CNTN4: variants seen among roughly 807,000 people sequenced by gnomAD.
CNTN4 encodes the protein contactin 4, also known as contactin-4.
CNTN4 carries 77 observed loss-of-function variants against 122.5 expected under a neutral mutation model. The observed-to-expected ratio is 0.63, with a 90% CI of 0.52 to 0.76. CNTN4 has a LOEUF of 0.76. Ranked by LOEUF, CNTN4 falls within the 30% of genes least tolerant of loss-of-function variation. The pLI is 0.00. For synonymous variants in CNTN4, 512 were observed against 447.0 expected (o/e 1.15, Z -1.83); for missense variants, 1,256 against 1,259.1 (o/e 1.00, Z 0.04).
rs536957347 is a variant in CNTN4, at chr3:2,338,243, A to G, written c.-144-935A>G. Among the ~76,000 whole-genome samples, 5 of 152,162 alleles carry G rather than the reference A, an allele frequency of 3.3e-5. No individual in the cohort carries two copies. The East Asian group carries it at 9.6e-4, about 29-fold the overall frequency. On this transcript the variant is annotated intron_variant, in intron 2 of 24. Coordinates refer to ENST00000418658, the MANE Select transcript of CNTN4 (RefSeq NM_175607.3). ...TTGTTATCGATATTATCCTGAGAGT[A>G]AAGGTAGTTAGGTATTTAATATAGA...
chr3:2,534,655 T>G (rs192823761), intron 3 of CNTN4, among the ~76,000 whole-genome samples: 1 of 151,786 alleles, frequency 6.6e-6, no homozygotes, highest in Non-Finnish European at 1.5e-5. Flanking sequence ...GGGCTGTGAC[T>G]TCAGAGCCTT....
intron 3 of CNTN4, among the ~76,000 whole-genome samples, chr3:2,479,050 G>A (rs1051961509): frequency 6.6e-6 from 1 of 152,012 alleles, no homozygotes; most frequent in African/African-American, 2.4e-5. Context: ...TTTCCCAGCA[G>A]GACTTTCATC....
chr3:2,784,299 T>G (rs1319005741), intron 6 of CNTN4, among the ~76,000 whole-genome samples: 2 of 152,198 alleles, frequency 1.3e-5, no homozygotes, highest in African/African-American at 2.4e-5. Flanking sequence ...TATACTGTTT[T>G]GAAAACAATT....
intron 4 of CNTN4, among the ~76,000 whole-genome samples, chr3:2,611,889 A>AT (rs1314795905): frequency 2.6e-5 from 4 of 151,994 alleles, no homozygotes; most frequent in Admixed American, 6.6e-5. Flanking sequence ...TTGGATGAGT[A>AT]TTTCTTTTGA....
intron 13 of CNTN4, among the ~76,000 whole-genome samples, chr3:2,926,241 T>A (rs2094472124): frequency 6.6e-6 from 1 of 152,216 alleles, no homozygotes; most frequent in Non-Finnish European, 1.5e-5. Flanking sequence ...TCAAAACTCA[T>A]TCTTTTCAAA....
chr3:2,831,912 G>A (rs548652639), intron 7 of CNTN4, among the ~76,000 whole-genome samples: 2 of 152,178 alleles, frequency 1.3e-5, no homozygotes, highest in Non-Finnish European at 2.9e-5. Flanking sequence ...ACGCAAACCA[G>A]AGTATGCTTT....
chr3:2,236,288 A>G (rs1475655603), intron 2 of CNTN4, among the ~76,000 whole-genome samples: 3 of 152,172 alleles, frequency 2.0e-5, no homozygotes, highest in Admixed American at 6.6e-5. Flanking sequence ...TAGCAATGAA[A>G]CCACAGGCCA....
intron 2 of CNTN4, among the ~76,000 whole-genome samples, chr3:2,230,698 G>T (rs191315769): frequency 6.6e-5 from 10 of 152,282 alleles, no homozygotes; most frequent in African/African-American, 2.4e-4. Context: ...GAAACATGAT[G>T]TGAGGGATGG....
chr3:2,867,113 G>A (rs1025450813), intron 8 of CNTN4, among the ~76,000 whole-genome samples, 164 bp downstream of exon 8: 1 of 152,134 alleles, frequency 6.6e-6, no homozygotes, highest in Non-Finnish European at 1.5e-5. Flanking sequence ...TTGTGTAAGA[G>A]ATAAACCCAT....
At chr3:2,242,677 G>A (rs1345016147) in intron 2 of CNTN4, among the ~76,000 whole-genome samples, 1 of 152,116 alleles carries the variant, frequency 6.6e-6, no homozygotes, top group African/African-American at 2.4e-5. Context: ...GTATCTATCT[G>A]TGGATACAAA....
At chr3:2,239,607 C>T (rs994180408) in intron 2 of CNTN4, among the ~76,000 whole-genome samples, 1 of 152,096 alleles carries the variant, frequency 6.6e-6, no homozygotes, top group African/African-American at 2.4e-5. Flanking sequence ...ATCCTATGGT[C>T]TCTTAGGTTC....
At chr3:2,458,068 T>C (rs1200628915) in intron 3 of CNTN4, among the ~76,000 whole-genome samples, 2 of 152,244 alleles carry the variant, frequency 1.3e-5, no homozygotes, top group East Asian at 1.9e-4. Context: ...ATGGAAGTGA[T>C]AGGGAGCCAT....
At chr3:2,313,388 C>T (rs1043614043) in intron 2 of CNTN4, among the ~76,000 whole-genome samples, 1 of 151,768 alleles carries the variant, frequency 6.6e-6, no homozygotes, top group African/African-American at 2.4e-5. Context: ...GGAAAAGAAA[C>T]CCTGAAAAGT....
intron 14 of CNTN4, among the ~76,000 whole-genome samples, chr3:2,996,422 A>C (rs1317898202): frequency 1.3e-5 from 2 of 152,166 alleles, no homozygotes; most frequent in African/African-American, 4.8e-5. Context: ...TAGAAGAGAC[A>C]CCTTTTACCT....
At chr3:2,287,498 T>G (rs2948692) in intron 2 of CNTN4, among the ~76,000 whole-genome samples, 150,088 of 151,758 alleles carry the variant, frequency 0.99, 74,242 homozygotes, top group Middle Eastern at 1. Context: ...GCTACTTGAG[T>G]GGGCTGAGGT....
chr3:2,431,962 C>T (rs1022545680), intron 3 of CNTN4, among the ~76,000 whole-genome samples: 5 of 152,076 alleles, frequency 3.3e-5, no homozygotes, highest in Non-Finnish European at 7.4e-5. Flanking sequence ...AAGAAATAGG[C>T]CAGATTATCT....
chr3:2,689,368 A>C (rs1385707087), intron 4 of CNTN4, among the ~76,000 whole-genome samples: 1 of 152,150 alleles, frequency 6.6e-6, no homozygotes, highest in East Asian at 1.9e-4. Context: ...AGTAGCTTGG[A>C]TAGCACCTCC....
chr3:2,870,296 A>G (rs1043621916), intron 8 of CNTN4, among the ~76,000 whole-genome samples: 12 of 152,210 alleles, frequency 7.9e-5, no homozygotes. Flanking sequence ...TTAGCAGACT[A>G]AAGATCTCAT....
At chr3:2,354,061 A>G (rs2044763345) in intron 3 of CNTN4, among the ~76,000 whole-genome samples, 2 of 152,348 alleles carry the variant, frequency 1.3e-5, no homozygotes, top group South Asian at 2.1e-4. Flanking sequence ...GTAGGTTCCA[A>G]CATCTCATAA....
Sources: allele counts gnomAD v4.1 joint callset (sites outside exome capture counted in the v4.1 genomes callset), GRCh38; gene constraint gnomAD v4.1.1; transcripts MANE v1.5; gene names NCBI Gene and HGNC (gene_info 2026-07-23, HGNC 2026-07-21).